VRK2: variants seen among roughly 807,000 people sequenced by gnomAD.
VRK2 encodes serine/threonine-protein kinase VRK2.
A neutral mutation model predicts 57.6 loss-of-function variants in VRK2; 60 were observed. The observed-to-expected ratio is 1.04, with a 90% CI of 0.85 to 1.29. VRK2 has a LOEUF of 1.29. Ranked by LOEUF, VRK2 falls within the 50% of genes most tolerant of loss-of-function variation. The probability of loss-of-function intolerance (pLI) is 0.00; values close to 1 mark genes in which losing one functional copy is unlikely to be tolerated. For synonymous variants in VRK2, 231 were observed against 199.2 expected (o/e 1.16, Z -1.35); for missense variants, 705 against 588.1 (o/e 1.20, Z -2.06).
chr2:58,116,164 A>C (rs1020228082), intron 7 of VRK2, among the ~76,000 whole-genome samples: 2 of 152,104 alleles, frequency 1.3e-5, no homozygotes, highest in African/African-American at 4.8e-5. Flanking sequence ...GGGATGGGAT[A>C]TTGGCATTGA....
At chr2:58,099,708 C>G (rs1249081973) in intron 7 of VRK2, among the ~76,000 whole-genome samples, 1 of 152,036 alleles carries the variant, frequency 6.6e-6, no homozygotes, top group Non-Finnish European at 1.5e-5. Context: ...TACCTGTGTT[C>G]TTTAAAAACA....
chr2:58,082,617 T>TAA (rs60728292), intron 2 of VRK2, among the ~76,000 whole-genome samples: 6,518 of 151,972 alleles, frequency 0.043, 479 homozygotes, highest in African/African-American at 0.15. Context: ...TGTGTATACT[T>TAA]TCTTAAGTTT....
intron 7 of VRK2, among the ~76,000 whole-genome samples, chr2:58,110,092 G>C (rs527673696): frequency 6.6e-6 from 1 of 152,226 alleles, no homozygotes; most frequent in African/African-American, 2.4e-5. Flanking sequence ...AAGGTGATCT[G>C]GCCAGGTGAA....
At chr2:57,955,240 A>G (rs1029773790) in intron 1 of VRK2, among the ~76,000 whole-genome samples, 4 of 152,336 alleles carry the variant, frequency 2.6e-5, no homozygotes, top group African/African-American at 9.6e-5. Flanking sequence ...GCAATCTTCA[A>G]CACTATGAAA....
Position 58,131,797 on chromosome 2 carries a change from T to C in VRK2, c.677-11T>C, listed in dbSNP as rs750458472. 4.4e-6 allele frequency: 7 copies of C among 1,597,236 alleles called. No individual in the cohort carries two copies. In the Admixed American group the frequency reaches 9.0e-5, roughly 21 times the overall value. The stretch of plus-strand genomic sequence containing the variant: ...ATCCCTTATCTTTCTCTCTAATGCT[T>C]ACTCCTATAGCCTTGTCCAGACGAA... On this transcript the variant is annotated splice_polypyrimidine_tract_variant and intron_variant, in intron 8 of 12. Transcript: ENST00000340157.
chr2:58,147,053 T>C (rs979444747), intron 12 of VRK2: 27 of 454,730 alleles, frequency 5.9e-5, no homozygotes, highest in Middle Eastern at 3.5e-4. Flanking sequence ...TTTTATATGA[T>C]TTATACACCA....
intron 7 of VRK2, among the ~76,000 whole-genome samples, chr2:58,107,790 A>G (rs1025756): frequency 0.99 from 150,355 of 152,276 alleles, 74,232 homozygotes; most frequent in Middle Eastern, 1. Flanking sequence ...ATTTGTTCAC[A>G]TTAGTGTCCT....
At chr2:58,150,097 G>C (rs187334834) in intron 12 of VRK2, among the ~76,000 whole-genome samples, 1 of 147,862 alleles carries the variant, frequency 6.8e-6, no homozygotes, top group Admixed American at 6.8e-5. Flanking sequence ...TTCTTTTGTC[G>C]TAATATCCTT....
At chr2:57,926,117 AT>A (rs1398361693) in intron 1 of VRK2, among the ~76,000 whole-genome samples, 4 of 150,834 alleles carry the variant, frequency 2.7e-5, no homozygotes, top group African/African-American at 7.3e-5. Context: ...TCTTTTTTTT[AT>A]TTTTTAAGAC....
rs1431775364 is a variant in VRK2 at position 58,066,180 on chromosome 2, C to G, written c.136+17213C>G. ...CGAGAGTGCTCATTTTTGACTTGTTCTCATTTTTAGGGAGAATGTATTCAG... is the reference window on the plus strand; with the variant it reads ...CGAGAGTGCTCATTTTTGACTTGTTGTCATTTTTAGGGAGAATGTATTCAG... On this transcript the variant is annotated intron_variant, in intron 2 of 12. Transcript: ENST00000340157. Among the ~76,000 whole-genome samples, 5 of 152,076 alleles carry G rather than the reference C, an allele frequency of 3.3e-5. No homozygotes were observed. The South Asian group carries it at 8.3e-4, about 25-fold the overall frequency.
At chr2:58,108,330 G>A (rs915554877) in intron 7 of VRK2, among the ~76,000 whole-genome samples, 15 of 151,936 alleles carry the variant, frequency 9.9e-5, no homozygotes, top group Non-Finnish European at 1.8e-4. Context: ...TGCCTGTATT[G>A]TTATATTCTC....
At chr2:58,153,438 G>T (rs1330363908) in intron 12 of VRK2, among the ~76,000 whole-genome samples, 2 of 151,958 alleles carry the variant, frequency 1.3e-5, no homozygotes, top group Non-Finnish European at 2.9e-5. Flanking sequence ...GCTGAATATT[G>T]TCAAATGCTT....
At chr2:58,100,786 G>A (rs1198176030) in intron 7 of VRK2, among the ~76,000 whole-genome samples, 2 of 151,392 alleles carry the variant, frequency 1.3e-5, no homozygotes, top group Non-Finnish European at 3.0e-5. Flanking sequence ...GGTTCTCTCA[G>A]TATTATTTTT....
chr2:58,032,892 T>A (rs897774158), intron 2 of VRK2, among the ~76,000 whole-genome samples: 3 of 152,120 alleles, frequency 2.0e-5, no homozygotes, highest in African/African-American at 7.2e-5. Context: ...TATCTCTTGC[T>A]GCCTATCTGT....
chr2:58,123,274 A>C (rs1250897854), intron 8 of VRK2, 41 bp downstream of exon 8: 2 of 1,568,966 alleles, frequency 1.3e-6, no homozygotes, highest in African/African-American at 1.4e-5. Flanking sequence ...ATTTCAGAAG[A>C]ATGATTAGAG....
chr2:58,087,542 T>C (rs369728373), intron 5 of VRK2, among the ~76,000 whole-genome samples: 21 of 152,174 alleles, frequency 1.4e-4, no homozygotes, highest in Middle Eastern at 3.4e-3. Context: ...TGCATAGATA[T>C]AGAATAGGGG....
At chr2:58,049,116 C>T in intron 2 of VRK2, 149 bp downstream of exon 2, 14 of 1,023,860 alleles carry the variant, frequency 1.4e-5, no homozygotes, top group Non-Finnish European at 1.9e-5. Flanking sequence ...TAATAGAGTA[C>T]AGTGTCTAGG....
At chr2:58,006,070 A>G (rs1673233883) in intron 1 of VRK2, among the ~76,000 whole-genome samples, 1 of 152,198 alleles carries the variant, frequency 6.6e-6, no homozygotes, top group South Asian at 2.1e-4. Context: ...CCCTAGAGGT[A>G]AGGTAAAAAG....
At chr2:58,013,724 T>C (rs1425430313) in intron 1 of VRK2, among the ~76,000 whole-genome samples, 1 of 151,380 alleles carries the variant, frequency 6.6e-6, no homozygotes, top group African/African-American at 2.4e-5. Flanking sequence ...CCGGGCGCAG[T>C]GGCGGGCGCC....
Sources: allele counts gnomAD v4.1 joint callset (sites outside exome capture counted in the v4.1 genomes callset), GRCh38; gene constraint gnomAD v4.1.1; transcripts MANE v1.5; gene names NCBI Gene and HGNC (gene_info 2026-07-23, HGNC 2026-07-21).